Variants in JARID2 observed in about 807,000 individuals in gnomAD.
JARID2 encodes jumonji and AT-rich interaction domain containing 2.
Under a neutral mutation model 125.6 loss-of-function variants are expected in JARID2, and 21 were observed. The observed-to-expected ratio is 0.17, with a 90% CI of 0.12 to 0.24. JARID2 has a LOEUF of 0.24. Among genes scored for constraint, JARID2 ranks in the 10% least tolerant of loss-of-function variants. JARID2 has a pLI of 1.00. For synonymous variants in JARID2, 736 were observed against 661.6 expected (o/e 1.11, Z -1.73); for missense variants, 1,303 against 1,639.6 (o/e 0.79, Z 3.55).
At chr6:15,301,079 C>CTTTTGA in intron 1 of JARID2, among the ~76,000 whole-genome samples, 1 of 152,066 alleles carries the variant, frequency 6.6e-6, no homozygotes, top group African/African-American at 2.4e-5. Flanking sequence ...TTTAAAGCAG[C>CTTTTGA]GTATAAGTAA....
chr6:15,335,963 G>T (rs758319473), intron 1 of JARID2, among the ~76,000 whole-genome samples: 11 of 152,120 alleles, frequency 7.2e-5, no homozygotes, highest in Non-Finnish European at 1.5e-4. Context: ...GTATGTACCC[G>T]TGGTCCCAGC....
At chr6:15,472,185 C>CT (rs1753145424) in intron 5 of JARID2, among the ~76,000 whole-genome samples, 1 of 151,686 alleles carries the variant, frequency 6.6e-6, no homozygotes, top group Admixed American at 6.6e-5. Flanking sequence ...AATGAGTGGT[C>CT]TTGGGTAAGC....
intron 1 of JARID2, among the ~76,000 whole-genome samples, chr6:15,288,080 G>C (rs1761069133): frequency 6.6e-6 from 1 of 152,166 alleles, no homozygotes; most frequent in African/African-American, 2.4e-5. Flanking sequence ...CACGGCAAAG[G>C]GGAAGGCACA....
At chr6:15,481,255 C>T (rs551977049) in intron 5 of JARID2, among the ~76,000 whole-genome samples, 3 of 152,270 alleles carry the variant, frequency 2.0e-5, no homozygotes, top group African/African-American at 4.8e-5. Context: ...TGTCTCTGTT[C>T]GTTAATGTAA....
intron 1 of JARID2, among the ~76,000 whole-genome samples, chr6:15,322,688 CT>C (rs1346824766): frequency 2.0e-5 from 3 of 152,178 alleles, no homozygotes; most frequent in Admixed American, 2.0e-4. Flanking sequence ...AAACTTCTCT[CT>C]TTAAGTCATT....
intron 1 of JARID2, among the ~76,000 whole-genome samples, chr6:15,271,151 T>C (rs1434760057): frequency 6.6e-6 from 1 of 152,244 alleles, no homozygotes; most frequent in Non-Finnish European, 1.5e-5. Flanking sequence ...CTACTTTGTA[T>C]ACTTGTCCGA....
intron 2 of JARID2, among the ~76,000 whole-genome samples, chr6:15,401,750 A>T (rs1765443558): frequency 6.6e-6 from 1 of 152,162 alleles, no homozygotes; most frequent in Admixed American, 6.5e-5. Context: ...GGAACCTTCA[A>T]TGTTTGGTGC....
intron 3 of JARID2, among the ~76,000 whole-genome samples, chr6:15,447,047 C>G (rs1232573288): frequency 1.3e-5 from 2 of 152,094 alleles, no homozygotes; most frequent in Non-Finnish European, 2.9e-5. Context: ...TCTTATTTCC[C>G]CAAACAGCAG....
chr6:15,444,358 G>T (rs994053117), intron 3 of JARID2, among the ~76,000 whole-genome samples: 40 of 152,200 alleles, frequency 2.6e-4, no homozygotes, highest in Admixed American at 2.4e-3. Flanking sequence ...TTCACTTGAG[G>T]ATGTGTTTAT....
At chr6:15,406,648 G>A (rs548348840) in intron 2 of JARID2, among the ~76,000 whole-genome samples, 1 of 152,222 alleles carries the variant, frequency 6.6e-6, no homozygotes, top group South Asian at 2.1e-4. Context: ...ATTTCTTTTT[G>A]CTCAGTCATG....
chr6:15,472,999 A>G (rs952489242), intron 5 of JARID2, among the ~76,000 whole-genome samples: 3 of 152,206 alleles, frequency 2.0e-5, no homozygotes, highest in Non-Finnish European at 4.4e-5. Context: ...AACCAACTCC[A>G]CTAGAATTTT....
chr6:15,297,063 T>A (rs1380293134), intron 1 of JARID2, among the ~76,000 whole-genome samples: 1 of 152,226 alleles, frequency 6.6e-6, no homozygotes, highest in Non-Finnish European at 1.5e-5. Context: ...ATCTAAAACA[T>A]CTCCATAGGT....
chr6:15,377,050 C>T (rs939115368), intron 2 of JARID2, among the ~76,000 whole-genome samples: 13 of 152,124 alleles, frequency 8.5e-5, no homozygotes, highest in African/African-American at 2.9e-4. Context: ...TGAGTGGATA[C>T]TTTATAGTCA....
intron 1 of JARID2, chr6:15,368,598 A>AGAG (rs1764056638): frequency 2.6e-6 from 1 of 391,560 alleles, no homozygotes; most frequent in Admixed American, 3.2e-5. Flanking sequence ...AGTAACCAAA[A>AGAG]GAGAAGGGTT....
chr6:15,500,787 C>T (rs1770696552), intron 7 of JARID2, 120 bp from the exon 8 acceptor site: 2 of 855,112 alleles, frequency 2.3e-6, no homozygotes, highest in Non-Finnish European at 3.7e-6. Context: ...CACTCTCACC[C>T]CAGAGCCTGT....
At chr6:15,389,362 T>G (rs1213473579) in intron 2 of JARID2, among the ~76,000 whole-genome samples, 1 of 152,170 alleles carries the variant, frequency 6.6e-6, no homozygotes, top group African/African-American at 2.4e-5. Context: ...TGTCACTGTA[T>G]TGCCCAGGCT....
intron 3 of JARID2, among the ~76,000 whole-genome samples, chr6:15,433,921 GGTGTGTGTGTGTGTGTGTGTGTGTGT>G (rs146025914): frequency 6.1e-5 from 8 of 131,382 alleles, no homozygotes; most frequent in Middle Eastern, 3.6e-3. Context: ...CACTCTCCAG[GGTGTGTGTGTGTGTGTGTGTGTGTGT>G]GTGTGTGTGT....
chr6:15,334,265 A>C (rs1166287706), intron 1 of JARID2, among the ~76,000 whole-genome samples: 1 of 152,218 alleles, frequency 6.6e-6, no homozygotes, highest in Non-Finnish European at 1.5e-5. Context: ...TAATGGAATA[A>C]AATTTGACCT....
intron 1 of JARID2, among the ~76,000 whole-genome samples, chr6:15,324,857 A>C (rs2127446689): frequency 6.6e-6 from 1 of 151,702 alleles, no homozygotes; most frequent in African/African-American, 2.4e-5. Context: ...ATTAAAAAAA[A>C]AAAAAAGAAA....
Sources: allele counts gnomAD v4.1 joint callset (sites outside exome capture counted in the v4.1 genomes callset), GRCh38; gene constraint gnomAD v4.1.1; transcripts MANE v1.5; gene names NCBI Gene and HGNC (gene_info 2026-07-23, HGNC 2026-07-21).